Variants in DSP observed in about 807,000 individuals in gnomAD.
DSP encodes the protein desmoplakin, also known as 250/210 kDa paraneoplastic pemphigus antigen.
A neutral mutation model predicts 290.6 loss-of-function variants in DSP; 114 were observed. That is an observed-to-expected ratio of 0.39 (90% CI 0.34 to 0.46). DSP has a LOEUF of 0.46. Among genes scored for constraint, DSP ranks in the 20% least tolerant of loss-of-function variants. DSP has a pLI of 0.99. For missense variants in DSP, 3,230 were observed against 3,495.8 expected, an observed-to-expected ratio of 0.92 and a Z score of 1.92; for synonymous variants, 1,311 against 1,316.4, an observed-to-expected ratio of 1.00 and a Z score of 0.09.
In DSP at chr6:7,562,748, C is replaced by A. The variant is rs777847026; in HGVS notation, c.694C>A (p.Arg232Ser). ...CATCCACAACTCCATCGGCGACTAT[C>A]GCTGGCAGCTGGACAAAATCAAAGC... ...RGIHNSIGDY[R>S]WQLDKIKADL... The change falls in exon 5 of 24, where the codon CGC becomes AGC. Residue 232 changes from arginine to serine, a missense_variant. Arg to Ser is a moderately radical substitution (Grantham distance 110). Around this residue, in one of 5 missense-constraint regions of DSP, gnomAD observed 646 missense variants for 684.3 expected, o/e 0.94. Coordinates refer to ENST00000379802, the MANE Select transcript of DSP (RefSeq NM_004415.4). The A allele has an allele frequency of 6.2e-7, 1 of 1,614,116 alleles. No individual in the cohort carries two copies. The highest frequency in any genetic ancestry group is 1.7e-5 in the Admixed American group (1 of 60,014).
At chr6:7,558,452 G>C (rs1376977167) in intron 3 of DSP, among the ~76,000 whole-genome samples, 188 bp downstream of exon 3, 1 of 151,648 alleles carries the variant, frequency 6.6e-6, no homozygotes, top group African/African-American at 2.4e-5. Flanking sequence ...TTTCATTATA[G>C]GTGTTAACTG....
chr6:7,579,873 A>G lies in DSP; in HGVS notation c.3683A>G (p.Lys1228Arg). Reference sequence around the variant, plus strand: ...ACCATCAAGGAGATATCCATGCAAAAAGAGGATGATTCCAAAAATCTTAGA... The same window carrying G: ...ACCATCAAGGAGATATCCATGCAAAGAGAGGATGATTCCAAAAATCTTAGA... ...KTTIKEISMQ[K>R]EDDSKNLRNQ... is the part of the protein sequence containing the mutation. Residue 1228 changes from lysine to arginine, a missense_variant, in exon 23 of 24, where the codon AAA becomes AGA. Coordinates refer to ENST00000379802, the MANE Select transcript of DSP (RefSeq NM_004415.4). The surrounding 1 kb of genome is among the most constrained non-coding windows in gnomAD (Gnocchi z 4.1). 5.6e-6 allele frequency: 9 copies of G among 1,614,162 alleles called. No homozygotes were observed. The highest frequency in any genetic ancestry group is 7.6e-6 in the Non-Finnish European group (9 of 1,180,036).
intron 4 of DSP, among the ~76,000 whole-genome samples, chr6:7,561,941 TC>T (rs1227130578): frequency 6.6e-6 from 1 of 152,210 alleles, no homozygotes; most frequent in Non-Finnish European, 1.5e-5. Context: ...TGTGTGTGAT[TC>T]TTATTGTGAA....
At chr6:7,578,433 C>G in intron 21 of DSP, 31 bp from the exon 22 acceptor site, 1 of 1,584,412 alleles carries the variant, frequency 6.3e-7, no homozygotes, top group Non-Finnish European at 8.7e-7. Flanking sequence ...AATGCAATAT[C>G]TTTTTCTTTC....
At chr6:7,575,843 C>CA (rs534310044) in intron 18 of DSP, among the ~76,000 whole-genome samples, 1 of 151,396 alleles carries the variant, frequency 6.6e-6, no homozygotes, top group African/African-American at 2.4e-5. Context: ...AATCTTAGAC[C>CA]AAAAAAAATG....
Position 7,581,577 on chromosome 6 carries a change from C to G in DSP, c.5379+8C>G, listed in dbSNP as rs771984464. On this transcript the variant is annotated splice_region_variant and intron_variant, in intron 23 of 23. Coordinates refer to ENST00000379802, the MANE Select transcript of DSP (RefSeq NM_004415.4). ...CAAAAGCAGGCTTTAGAGGTATTCA[C>G]AAATACTTGATCACAGCTTCACTGT... 1 of 1,612,292 alleles carries G rather than the reference C, an allele frequency of 6.2e-7. No homozygotes were observed. Among genetic ancestry groups the G allele is most frequent in the Non-Finnish European group, 8.5e-7 (1 of 1,180,032 alleles).
chr6:7,574,039 TAAA>T, intron 15 of DSP, 44 bp from the exon 16 acceptor site: 1 of 1,601,994 alleles, frequency 6.2e-7, no homozygotes. Flanking sequence ...TATACAGTAA[TAAA>T]AAGAATCAGC....
intron 3 of DSP, among the ~76,000 whole-genome samples, chr6:7,558,507 CTTTTTTTTT>C (rs145193988): frequency 1.9e-5 from 2 of 104,516 alleles, no homozygotes; most frequent in African/African-American, 7.6e-5. Flanking sequence ...TGGCATTTGA[CTTTTTTTTT>C]TTTTTTTTTT....
At chr6:7,575,628 T>C (rs1407448935) in intron 18 of DSP, 140 bp downstream of exon 18, 6 of 1,016,698 alleles carry the variant, frequency 5.9e-6, no homozygotes, top group African/African-American at 1.6e-5. Context: ...GCTCTTTTCA[T>C]GGACTGCCTG....
chr6:7,584,181 A>G lies in DSP; in HGVS notation c.6919A>G (p.Asn2307Asp), dbSNP rs1055504283. Residue 2307 changes from asparagine (N) to aspartate (D), a missense_variant, in exon 24 of 24, where the codon AAC becomes GAC. Physicochemically the swap from Asn to Asp is conservative, Grantham distance 23. Transcript: ENST00000379802. This position sits in a 1 kb window ranked among gnomAD's most constrained non-coding sequence, Gnocchi z 6.4. ...TGGCTTTATAGTGGATCCTGTTAGC[A>G]ACTTGAGGTTACCAGTGGAGGAAGC... ...ATGFIVDPVSNLRLPVEEAYK... is the reference protein window; with the variant it reads ...ATGFIVDPVSDLRLPVEEAYK... 5 of 1,614,058 alleles carry G rather than the reference A, an allele frequency of 3.1e-6. No homozygotes were observed. Among genetic ancestry groups the G allele is most frequent in the Non-Finnish European group, 4.2e-6 (5 of 1,180,034 alleles).
chr6:7,581,319 C>T lies in DSP; in HGVS notation c.5129C>T (p.Thr1710Ile). 1 of 1,614,196 alleles carries T rather than the reference C, an allele frequency of 6.2e-7. No homozygotes were observed. Among genetic ancestry groups the T allele is most frequent in the South Asian group, 1.1e-5 (1 of 91,082 alleles). The change falls in exon 23 of 24, where the codon ACA (threonine) becomes ATA (isoleucine). Residue 1710 changes from threonine (T) to isoleucine (I), a missense_variant. Physicochemically the swap from Thr to Ile is moderately conservative, Grantham distance 89. Around this residue, in one of 5 missense-constraint regions of DSP, gnomAD observed 1,714 missense variants for 1,844.5 expected, o/e 0.93. Coordinates refer to ENST00000379802, the MANE Select transcript of DSP (RefSeq NM_004415.4). Reference protein sequence around the residue: ...KIEIERLQSLTENLTKEHLML... With the variant: ...KIEIERLQSLIENLTKEHLML... Reference sequence around the variant, plus strand: ...GAAATTGAGAGGCTGCAGTCTCTCACAGAGAACCTGACCAAGGAGCACTTG... The same window carrying T: ...GAAATTGAGAGGCTGCAGTCTCTCATAGAGAACCTGACCAAGGAGCACTTG...
At chr6:7,568,613 C>T (rs1758936691) in intron 11 of DSP, 24 bp downstream of exon 11, 1 of 1,612,830 alleles carries the variant, frequency 6.2e-7, no homozygotes, top group Non-Finnish European at 8.5e-7. Context: ...TAGAATGATA[C>T]AAAAGTTTTC....
At chr6:7,550,814 A>G (rs956369780) in intron 1 of DSP, among the ~76,000 whole-genome samples, 1 of 151,700 alleles carries the variant, frequency 6.6e-6, no homozygotes, top group African/African-American at 2.4e-5. Context: ...TTTTTAAAAA[A>G]GCACATGACA....
chr6:7,586,164 T>A lies in DSP; in HGVS notation c.*286T>A, dbSNP rs1018225324. ...TAGGATTTGTTTCTTCTCTTCTGTG[T>A]TTCGATTTTTGATCAATTCTTTAAT... On this transcript the variant is annotated 3_prime_UTR_variant, in exon 24 of 24. Coordinates refer to ENST00000379802, the MANE Select transcript of DSP (RefSeq NM_004415.4). The A allele has an allele frequency of 1.2e-5, 4 of 323,170 alleles. No individual in the cohort carries two copies. In the Admixed American group the frequency reaches 1.8e-4, roughly 15 times the overall value. The allele number at this position is 323,170 out of a possible 1,614,324, so 20.0% of individuals were successfully genotyped here.
rs1758656081 is a variant in DSP at position 7,560,695 on chromosome 6, C to T, written c.597+1295C>T. On this transcript the variant is annotated intron_variant, in intron 4 of 23. Transcript: ENST00000379802. Reference sequence around the variant, plus strand: ...CAGCTCCTGTGGAGTGGAACAGTCACAGGAAGACATAGCGGAGCTGATGGG... The same window carrying T: ...CAGCTCCTGTGGAGTGGAACAGTCATAGGAAGACATAGCGGAGCTGATGGG... 2.0e-5 allele frequency among the ~76,000 whole-genome samples: 3 copies of T among 152,260 alleles called. No homozygotes were observed. The South Asian group carries it at 6.2e-4, about 32-fold the overall frequency.
rs1759040916 is a variant in DSP, at chr6:7,571,254, A to G, written c.1702-129A>G. On this transcript the variant is annotated intron_variant, in intron 13 of 23. Coordinates refer to ENST00000379802, the MANE Select transcript of DSP (RefSeq NM_004415.4). ...GTCTAAAACCTAAAAGACCTTTTATATCTTAATGAGCCTGTGATGAGTGTT... is the reference window on the plus strand; with the variant it reads ...GTCTAAAACCTAAAAGACCTTTTATGTCTTAATGAGCCTGTGATGAGTGTT... 5.6e-6 allele frequency: 5 copies of G among 886,104 alleles called. No homozygotes were observed. The East Asian group carries it at 7.2e-5, about 13-fold the overall frequency. 54.9% of individuals were successfully genotyped at this position (886,104 alleles called of 1,614,324 possible).
chr6:7,567,125 A>G (rs1758886461), intron 8 of DSP, among the ~76,000 whole-genome samples: 1 of 152,222 alleles, frequency 6.6e-6, no homozygotes, highest in African/African-American at 2.4e-5. Flanking sequence ...ATTTTGACTA[A>G]GACTCCTCAT....
chr6:7,547,634 G>A (rs945827256), intron 1 of DSP, among the ~76,000 whole-genome samples: 12 of 149,216 alleles, frequency 8.0e-5, no homozygotes, highest in African/African-American at 1.7e-4. Context: ...ACAAGGTCTC[G>A]CTATCTTGCC....
rs997657679 is a variant in DSP, at chr6:7,579,250, C to A, written c.3085-25C>A. The stretch of plus-strand genomic sequence containing the variant: ...GGAATGTGAGGTGTTTTTCTTTTGA[C>A]ATAATCTCTGATTTCATTCCACAGC... On this transcript the variant is annotated intron_variant, in intron 22 of 23. Transcript: ENST00000379802. This position sits in a 1 kb window ranked among gnomAD's most constrained non-coding sequence, Gnocchi z 4.1. The A allele has an allele frequency of 6.2e-7, 1 of 1,613,206 alleles. No individual in the cohort carries two copies. The highest frequency in any genetic ancestry group is 1.7e-5 in the Admixed American group (1 of 59,926).
Sources: gnomAD v4.1 joint callset for allele counts (sites outside exome capture counted in the v4.1 genomes callset) on GRCh38, gnomAD v4.1.1 for gene constraint, gnomAD v4.1.1 regional missense constraint, Gnocchi (gnomAD v3.1) non-coding constraint, MANE v1.5 for transcripts, NCBI Gene and HGNC (gene_info 2026-07-23, HGNC 2026-07-21) for gene names.